Variants in LURAP1L observed in about 807,000 individuals in gnomAD.
LURAP1L encodes the protein leucine rich adaptor protein 1-like.
In LURAP1L, 12 loss-of-function variants were observed where a neutral mutation model predicts 13.8. The ratio of observed to expected loss-of-function variants is 0.87; its 90% confidence interval spans 0.56 to 1.41. The LOEUF (loss-of-function observed/expected upper bound fraction) is 1.41. LURAP1L is among the 40% of genes most tolerant of loss of function. The pLI, the probability that LURAP1L is intolerant of heterozygous loss-of-function variation, is 0.00. For missense variants in LURAP1L, 375 were observed against 292.9 expected (o/e 1.28, Z -2.04); for synonymous variants, 139 against 119.2 (o/e 1.17, Z -1.08).
intron 1 of LURAP1L, among the ~76,000 whole-genome samples, chr9:12,783,039 T>C (rs1382597645): frequency 1.3e-5 from 2 of 152,186 alleles, no homozygotes; most frequent in South Asian, 2.1e-4. Context: ...ATAGAAATGC[T>C]ACTGATTTTT....
rs746363246 is a variant in LURAP1L, at chr9:12,821,720, A to C, written c.647A>C (p.Lys216Thr). 1 of 1,614,130 alleles carries C rather than the reference A, an allele frequency of 6.2e-7. No individual in the cohort carries two copies. Among genetic ancestry groups the C allele is most frequent in the South Asian group, 1.1e-5 (1 of 91,078 alleles). ...SLIEDSQALH[K>T]RPKLDSEYYC... is the part of the protein sequence containing the mutation. ...ATAGAGGACTCACAGGCACTACACA[A>C]GCGTCCTAAATTGGATTCTGAATAC... The change falls in exon 2 of 2, where the codon AAG becomes ACG. Residue 216 changes from lysine (K) to threonine (T), a missense_variant. Coordinates refer to ENST00000319264, the MANE Select transcript of LURAP1L (RefSeq NM_203403.2).
intron 1 of LURAP1L, among the ~76,000 whole-genome samples, chr9:12,805,695 C>T (rs1819647731): frequency 6.6e-6 from 1 of 152,174 alleles, no homozygotes; most frequent in Non-Finnish European, 1.5e-5. Context: ...AACCAGATTG[C>T]TAATTATTGT....
At chr9:12,801,347 C>A (rs1046187713) in intron 1 of LURAP1L, among the ~76,000 whole-genome samples, 4 of 151,552 alleles carry the variant, frequency 2.6e-5, no homozygotes, top group Non-Finnish European at 5.9e-5. Context: ...TTAAGAAACT[C>A]GCTCATGGTG....
At chr9:12,798,582 T>C (rs1819540563) in intron 1 of LURAP1L, among the ~76,000 whole-genome samples, 1 of 152,230 alleles carries the variant, frequency 6.6e-6, no homozygotes, top group Non-Finnish European at 1.5e-5. Context: ...TGTTGCCATA[T>C]GCTAGGCATC....
At chr9:12,780,666 A>G (rs1482425018) in intron 1 of LURAP1L, among the ~76,000 whole-genome samples, 1 of 152,172 alleles carries the variant, frequency 6.6e-6, no homozygotes, top group Non-Finnish European at 1.5e-5. Flanking sequence ...TTTACTGTGA[A>G]CGAACATTTT....
chr9:12,780,452 G>A (rs1416550118), intron 1 of LURAP1L, among the ~76,000 whole-genome samples: 2 of 152,060 alleles, frequency 1.3e-5, no homozygotes, highest in Admixed American at 6.5e-5. Context: ...TTAAAAAGGG[G>A]CTAAACACTG....
chr9:12,799,412 C>A (rs1162950106), intron 1 of LURAP1L, among the ~76,000 whole-genome samples: 1 of 152,070 alleles, frequency 6.6e-6, no homozygotes, highest in African/African-American at 2.4e-5. Flanking sequence ...ATTGAAATAA[C>A]TTTTTTAAAA....
intron 1 of LURAP1L, among the ~76,000 whole-genome samples, chr9:12,817,083 A>C (rs578133567): frequency 6.6e-6 from 1 of 152,176 alleles, no homozygotes; most frequent in Non-Finnish European, 1.5e-5. Flanking sequence ...TTTTAGAGAT[A>C]CTATCTCATA....
At chr9:12,812,420 A>G (rs917543143) in intron 1 of LURAP1L, among the ~76,000 whole-genome samples, 1 of 152,218 alleles carries the variant, frequency 6.6e-6, no homozygotes, top group South Asian at 2.1e-4. Flanking sequence ...TCTGTTGCAG[A>G]GATTGCTTCC....
chr9:12,780,443 T>G (rs2118459754), intron 1 of LURAP1L, among the ~76,000 whole-genome samples: 1 of 152,238 alleles, frequency 6.6e-6, no homozygotes, highest in East Asian at 1.9e-4. Flanking sequence ...TTCATTTTCT[T>G]AAAAAGGGGC....
At chr9:12,808,426 A>G (rs1002650005) in intron 1 of LURAP1L, among the ~76,000 whole-genome samples, 3 of 152,160 alleles carry the variant, frequency 2.0e-5, no homozygotes, top group African/African-American at 7.2e-5. Flanking sequence ...TTGTACCACT[A>G]TCACCACCAT....
intron 1 of LURAP1L, among the ~76,000 whole-genome samples, chr9:12,796,046 T>A (rs761678504): frequency 1.3e-5 from 2 of 152,070 alleles, no homozygotes; most frequent in South Asian, 4.1e-4. Context: ...TATGGTTTCA[T>A]AGTATCCTCT....
intron 1 of LURAP1L, among the ~76,000 whole-genome samples, chr9:12,782,775 T>A (rs956781075): frequency 1.1e-4 from 17 of 152,190 alleles, no homozygotes; most frequent in African/African-American, 4.1e-4. Flanking sequence ...GGTATTTTGA[T>A]AAGGATTACA....
At chr9:12,805,566 GCAGA>G (rs1169878769) in intron 1 of LURAP1L, among the ~76,000 whole-genome samples, 1 of 151,958 alleles carries the variant, frequency 6.6e-6, no homozygotes, top group Non-Finnish European at 1.5e-5. Context: ...ATGGATTTAA[GCAGA>G]CAAATAGACA....
At chr9:12,818,817 T>G (rs1819837033) in intron 1 of LURAP1L, among the ~76,000 whole-genome samples, 1 of 152,160 alleles carries the variant, frequency 6.6e-6, no homozygotes, top group East Asian at 1.9e-4. Flanking sequence ...GTGATTTATT[T>G]GGGTGGCTAT....
intron 1 of LURAP1L, among the ~76,000 whole-genome samples, chr9:12,787,313 C>T (rs185948986): frequency 1.4e-4 from 22 of 152,132 alleles, no homozygotes; most frequent in East Asian, 5.8e-4. Flanking sequence ...AAGTTCATGA[C>T]GCAGCCATTT....
At chr9:12,813,935 A>G (rs918119086) in intron 1 of LURAP1L, among the ~76,000 whole-genome samples, 1 of 152,242 alleles carries the variant, frequency 6.6e-6, no homozygotes, top group South Asian at 2.1e-4. Context: ...TATACATACA[A>G]CAGTTCAGCA....
chr9:12,810,631 T>C (rs1212852197), intron 1 of LURAP1L, among the ~76,000 whole-genome samples: 2 of 152,204 alleles, frequency 1.3e-5, no homozygotes, highest in Admixed American at 1.3e-4. Context: ...AAGTACAGGG[T>C]ACATAGGAAG....
chr9:12,786,575 T>TATATATATATAC (rs1409561310), intron 1 of LURAP1L, among the ~76,000 whole-genome samples: 28 of 128,694 alleles, frequency 2.2e-4, no homozygotes, highest in Non-Finnish European at 3.9e-4. Context: ...TATATATATA[T>TATATATATATAC]ATATATAAAC....
Sources: gnomAD v4.1 joint callset for allele counts (sites outside exome capture counted in the v4.1 genomes callset) on GRCh38, gnomAD v4.1.1 for gene constraint, MANE v1.5 for transcripts, NCBI Gene and HGNC (gene_info 2026-07-23, HGNC 2026-07-21) for gene names.